Variants in ASAP1 observed in about 807,000 individuals in gnomAD.
The protein encoded by ASAP1 is ArfGAP with SH3 domain, ankyrin repeat and PH domain 1.
ASAP1 carries 43 observed loss-of-function variants against 145.2 expected under a neutral mutation model. The observed-to-expected ratio is 0.30, with a 90% confidence interval of 0.23 to 0.38. The LOEUF is 0.38. Among genes scored for constraint, ASAP1 ranks in the 10% least tolerant of loss-of-function variants. The probability of loss-of-function intolerance (pLI) is 1.00; values close to 1 mark genes in which losing one functional copy is unlikely to be tolerated. For missense variants in ASAP1, 1,018 were observed against 1,355.3 expected (o/e 0.75, Z 3.91); for synonymous variants, 546 against 515.5 (o/e 1.06, Z -0.80).
At chr8:130,093,785 T>C (rs1420203532) in intron 24 of ASAP1, among the ~76,000 whole-genome samples, 6 of 122,734 alleles carry the variant, frequency 4.9e-5, no homozygotes, top group Non-Finnish European at 1.1e-4. Flanking sequence ...ACACTCTTCA[T>C]ATTAAAAAAA....
intron 2 of ASAP1, among the ~76,000 whole-genome samples, chr8:130,395,251 C>A (rs1221027585): frequency 6.6e-6 from 1 of 152,214 alleles, no homozygotes; most frequent in African/African-American, 2.4e-5. Flanking sequence ...GCCCACCATG[C>A]ACCAGGTACT....
chr8:130,285,184 G>GA (rs951445262), intron 3 of ASAP1, among the ~76,000 whole-genome samples: 1 of 151,280 alleles, frequency 6.6e-6, no homozygotes, highest in Non-Finnish European at 1.5e-5. Flanking sequence ...CAGCAAGCAT[G>GA]AAAAAAAAGT....
intron 18 of ASAP1, among the ~76,000 whole-genome samples, chr8:130,120,321 CA>C (rs1483387837): frequency 1.3e-5 from 2 of 152,228 alleles, no homozygotes; most frequent in Non-Finnish European, 1.5e-5. Context: ...ATGGATGGAG[CA>C]GCAGACTTAA....
At chr8:130,253,240 C>T (rs1314096516) in intron 3 of ASAP1, among the ~76,000 whole-genome samples, 1 of 152,188 alleles carries the variant, frequency 6.6e-6, no homozygotes, top group Non-Finnish European at 1.5e-5. Context: ...GGGCCAGAAA[C>T]TTAACCCGGC....
chr8:130,428,050 C>A (rs1049189498), intron 1 of ASAP1, among the ~76,000 whole-genome samples: 2 of 152,134 alleles, frequency 1.3e-5, no homozygotes, highest in African/African-American at 4.8e-5. Flanking sequence ...CACTTGGCCA[C>A]AAAGCACCCG....
At chr8:130,347,476 AT>A (rs1825764728) in intron 3 of ASAP1, among the ~76,000 whole-genome samples, 1 of 152,230 alleles carries the variant, frequency 6.6e-6, no homozygotes, top group South Asian at 2.1e-4. Flanking sequence ...CATCATTTAC[AT>A]TTAACTGTCA....
intron 1 of ASAP1, among the ~76,000 whole-genome samples, chr8:130,405,859 G>A (rs1829004557): frequency 6.6e-6 from 1 of 152,138 alleles, no homozygotes; most frequent in Admixed American, 6.5e-5. Flanking sequence ...AGTCAAGAAA[G>A]TAATCTAGGT....
intron 27 of ASAP1, 93 bp from the exon 28 acceptor site, chr8:130,061,162 C>T (rs1297128373): frequency 3.4e-6 from 5 of 1,476,056 alleles, no homozygotes. Context: ...ATGAAGGGAA[C>T]TGACCTATAG....
In ASAP1 at chr8:130,060,854, G is replaced by C; in HGVS notation, c.2917C>G (p.Pro973Ala). 6.2e-7 allele frequency: 1 copy of C among 1,613,794 alleles called. No homozygotes were observed. Among genetic ancestry groups the C allele is most frequent in the Non-Finnish European group, 8.5e-7 (1 of 1,179,954 alleles). ...GGTAAGTCTGAGAGTTGGGGTTTGG[G>C]TGGCAGGTCCCCCAGCTGTGGTTTG... ...PPKPQLGDLPPKPQLSDLPPK... is the reference protein window; with the variant it reads ...PPKPQLGDLPAKPQLSDLPPK... The change falls in exon 28 of 30, where the codon CCC becomes GCC. Residue 973 changes from proline to alanine, a missense_variant. Pro to Ala is a conservative substitution (Grantham distance 27). Around this residue, in one of 9 missense-constraint regions of ASAP1, gnomAD observed 139 missense variants for 131.0 expected, o/e 1.06. Transcript: ENST00000518721.
chr8:130,219,851 A>G (rs1167134387), intron 4 of ASAP1, among the ~76,000 whole-genome samples: 1 of 152,194 alleles, frequency 6.6e-6, no homozygotes, highest in Non-Finnish European at 1.5e-5. Context: ...GTGCAGTGGC[A>G]TGAACATGGC....
intron 13 of ASAP1, among the ~76,000 whole-genome samples, chr8:130,139,049 T>C (rs2097602748): frequency 6.6e-6 from 1 of 152,142 alleles, no homozygotes. Context: ...AGTGACCCAG[T>C]TAATGGTGAG....
At chr8:130,312,563 T>C (rs888883322) in intron 3 of ASAP1, among the ~76,000 whole-genome samples, 2 of 152,192 alleles carry the variant, frequency 1.3e-5, no homozygotes, top group Non-Finnish European at 2.9e-5. Context: ...ATTAGGGACA[T>C]TTCCAGGCCC....
chr8:130,072,182 T>A (rs779225956), intron 27 of ASAP1, among the ~76,000 whole-genome samples: 3 of 152,176 alleles, frequency 2.0e-5, no homozygotes, highest in East Asian at 3.9e-4. Context: ...GAGCTGACCA[T>A]GTGGAGGCTC....
chr8:130,245,983 C>A (rs1489053521), intron 3 of ASAP1, among the ~76,000 whole-genome samples: 1 of 152,108 alleles, frequency 6.6e-6, no homozygotes, highest in African/African-American at 2.4e-5. Context: ...CCTCATCTTG[C>A]CTTTCAAAAG....
At chr8:130,141,112 C>T (rs1313565621) in intron 13 of ASAP1, among the ~76,000 whole-genome samples, 1 of 152,108 alleles carries the variant, frequency 6.6e-6, no homozygotes, top group African/African-American at 2.4e-5. Flanking sequence ...GGCTACACCA[C>T]AGTGGAACAG....
intron 3 of ASAP1, among the ~76,000 whole-genome samples, chr8:130,268,490 AACACACACACACAC>A (rs113714700): frequency 0.039 from 5,165 of 133,182 alleles, 125 homozygotes; most frequent in Middle Eastern, 0.062. Flanking sequence ...CCCGTCTTAA[AACACACACACACAC>A]ACACACACAC....
intron 3 of ASAP1, among the ~76,000 whole-genome samples, chr8:130,331,369 C>T (rs1824678263): frequency 6.6e-6 from 1 of 152,182 alleles, no homozygotes; most frequent in African/African-American, 2.4e-5. Context: ...GAGAAAGGAA[C>T]ACTGGCTCTG....
chr8:130,410,831 T>G (rs923317328), intron 1 of ASAP1, among the ~76,000 whole-genome samples: 2 of 152,196 alleles, frequency 1.3e-5, no homozygotes, highest in African/African-American at 4.8e-5. Flanking sequence ...TCTTGAGTGA[T>G]GAAAAATCAC....
At chr8:130,236,818 A>C (rs1030865280) in intron 4 of ASAP1, 104 bp downstream of exon 4, 6 of 839,994 alleles carry the variant, frequency 7.1e-6, no homozygotes, top group Non-Finnish European at 8.7e-6. Context: ...TTACTTTTCC[A>C]TTTGTGTCAA....
Sources: gnomAD v4.1 joint callset for allele counts (sites outside exome capture counted in the v4.1 genomes callset) on GRCh38, gnomAD v4.1.1 for gene constraint, gnomAD v4.1.1 regional missense constraint, MANE v1.5 for transcripts, NCBI Gene and HGNC (gene_info 2026-07-23, HGNC 2026-07-21) for gene names.